PLTP: variants seen among roughly 807,000 people sequenced by gnomAD.
PLTP encodes the protein phospholipid transfer protein.
In PLTP, 43 loss-of-function variants were observed where a neutral mutation model predicts 54.1. The ratio of observed to expected loss-of-function variants is 0.79; its 90% CI spans 0.62 to 1.02. The LOEUF (loss-of-function observed/expected upper bound fraction) is 1.02. PLTP is among the 50% of genes least tolerant of loss of function. The pLI is 0.00. For missense variants in PLTP, 604 were observed against 645.9 expected (o/e 0.94, Z 0.70); for synonymous variants, 263 against 264.6 (o/e 0.99, Z 0.06).
chr20:45,899,812 G>GCCCCCCCCCCCCCCCCCC, intron 13 of PLTP, 24 bp downstream of exon 13: 1 of 309,344 alleles, frequency 3.2e-6, no homozygotes, highest in Non-Finnish European at 6.2e-6. Flanking sequence ...ACCCAGCCCA[G>GCCCCCCCCCCCCCCCCCC]CCCACCCACC....
In PLTP at chr20:45,899,133, CAG is replaced by C. The variant is rs536524774; in HGVS notation, c.1360-72_1360-71del. ...AGGCCAGAGTTTAGAGATCAAGAGACAGAGTGTTTGTCTTTCAGGAACTCAAT... is the reference window on the plus strand; with the variant it reads ...AGGCCAGAGTTTAGAGATCAAGAGACAGTGTTTGTCTTTCAGGAACTCAAT... On this transcript the variant is annotated intron_variant, in intron 15 of 15. Transcript: ENST00000372431. 153 of 1,599,760 alleles carry C rather than the reference CAG, an allele frequency of 9.6e-5. 2 individuals carry two copies. In the South Asian group the frequency reaches 1.6e-3, roughly 17 times the overall value.
intron 10 of PLTP, 95 bp from the exon 11 acceptor site, chr20:45,902,699 C>T: frequency 1.6e-6 from 2 of 1,283,756 alleles, no homozygotes; most frequent in Admixed American, 2.5e-5. Flanking sequence ...AGCTTCTGTC[C>T]TCTGGGGACT....
intron 13 of PLTP, 24 bp downstream of exon 13, chr20:45,899,812 G>GGGGCCCCCCCCCCCCCCCCC: frequency 3.2e-6 from 1 of 309,342 alleles, no homozygotes; most frequent in Non-Finnish European, 6.2e-6. Flanking sequence ...ACCCAGCCCA[G>GGGGCCCCCCCCCCCCCCCCC]CCCACCCACC....
chr20:45,905,146 C>T (rs755726229), intron 8 of PLTP, 28 bp from the exon 9 acceptor site: 4 of 1,607,462 alleles, frequency 2.5e-6, no homozygotes, highest in African/African-American at 2.7e-5. Flanking sequence ...CAGTCAGGGT[C>T]AAGGCAGACT....
At position 45,899,062 on chromosome 20, in the gene PLTP, C is replaced by T. The variant is rs776207299; in HGVS notation, c.1361G>A (p.Gly454Glu). 2 of 1,614,164 alleles carry T rather than the reference C, an allele frequency of 1.2e-6. No homozygotes were observed. Among genetic ancestry groups the T allele is most frequent in the Non-Finnish European group, 1.7e-6 (2 of 1,180,026 alleles). ...GAGATCAGCCCCGATGGTGAGGAAT[C>T]CCTGTGTTGGGGAGAGGGGAGCCTC... ...FVHEVVTNHA[G>E]FLTIGADLHF... Residue 454 changes from glycine to glutamate, a missense_variant and splice_region_variant, in exon 16 of 16, where the codon GGA becomes GAA. Coordinates refer to ENST00000372431, the MANE Select transcript of PLTP (RefSeq NM_006227.4).
chr20:45,905,958 C>G (rs562473444), intron 8 of PLTP, among the ~76,000 whole-genome samples: 2 of 152,066 alleles, frequency 1.3e-5, no homozygotes, highest in South Asian at 4.1e-4. Flanking sequence ...CCAGCTCCTT[C>G]GGGGGAGTTG....
chr20:45,901,384 G>A (rs966409239), intron 12 of PLTP, among the ~76,000 whole-genome samples: 5 of 152,094 alleles, frequency 3.3e-5, no homozygotes, highest in Non-Finnish European at 5.9e-5. Context: ...GATCACTTGA[G>A]CCCGAGAATT....
chr20:45,899,807 G>GGGCCCGCGC, intron 13 of PLTP, 29 bp downstream of exon 13: 2 of 1,369,464 alleles, frequency 1.5e-6, no homozygotes, highest in Non-Finnish European at 2.0e-6. Flanking sequence ...CACGAACCCA[G>GGGCCCGCGC]CCCAGCCCAC....
chr20:45,906,854 G>A lies in PLTP; in HGVS notation c.614-495C>T, dbSNP rs570315826. Among the ~76,000 whole-genome samples, 251 of 99,708 alleles carry A rather than the reference G, an allele frequency of 2.5e-3. 19 individuals are homozygous for A. The highest frequency in any genetic ancestry group is 8.5e-3 in the Middle Eastern group (1 of 118). The allele number at this position is 99,708 out of a possible 152,430, so 65.4% of individuals were successfully genotyped here. A position where few individuals can be genotyped will look rare whatever the true frequency, so the allele number is the denominator to read the frequency against. ...TGCAGGGAGCCAGGATTGCACCACTGCACTCCAGCCTGGGTGACAGAGCGA... is the reference window on the plus strand; with the variant it reads ...TGCAGGGAGCCAGGATTGCACCACTACACTCCAGCCTGGGTGACAGAGCGA... On this transcript the variant is annotated intron_variant, in intron 7 of 15. Transcript: ENST00000372431.
chr20:45,908,025 C>T, intron 5 of PLTP, 121 bp from the exon 6 acceptor site: 1 of 874,410 alleles, frequency 1.1e-6, no homozygotes, highest in Non-Finnish European at 1.8e-6. Context: ...GCCTGAATAA[C>T]AGCTCCTCCA....
intron 10 of PLTP, 100 bp downstream of exon 10, chr20:45,904,700 G>C: frequency 1.9e-6 from 2 of 1,079,192 alleles, no homozygotes; most frequent in South Asian, 2.5e-5. Flanking sequence ...CAAGAGGCCA[G>C]GGCCCTGTCT....
In PLTP at chr20:45,904,786, C is replaced by T. The variant is rs1490398927; in HGVS notation, c.942+14G>A. 2.5e-6 allele frequency: 4 copies of T among 1,614,046 alleles called. No homozygotes were observed. The highest frequency in any genetic ancestry group is 3.4e-6 in the Non-Finnish European group (4 of 1,179,912). ...TGTGCAGGTGGCCCTATCCCTGCCC[C>T]CGCCAGCACTCACCAGCAGGACAAT... On this transcript the variant is annotated intron_variant, in intron 10 of 15. Coordinates refer to ENST00000372431, the MANE Select transcript of PLTP (RefSeq NM_006227.4).
intron 10 of PLTP, 40 bp downstream of exon 10, chr20:45,904,760 G>A (rs1370936051): frequency 1.2e-6 from 2 of 1,602,868 alleles, no homozygotes; most frequent in South Asian, 2.2e-5. Context: ...GGTCTCACTG[G>A]TGTGCAGGTG....
chr20:45,899,807 G>GGGCCCCGGGGCC, intron 13 of PLTP, 29 bp downstream of exon 13: 2 of 1,369,468 alleles, frequency 1.5e-6, no homozygotes, highest in African/African-American at 1.5e-5. Context: ...CACGAACCCA[G>GGGCCCCGGGGCC]CCCAGCCCAC....
At chr20:45,899,902 T>C in intron 12 of PLTP, 24 bp from the exon 13 acceptor site, 1 of 1,512,506 alleles carries the variant, frequency 6.6e-7, no homozygotes, top group Non-Finnish European at 8.9e-7. Context: ...AGGAGCCCTG[T>C]GGGCAGGAAG....
At chr20:45,910,608 C>A (rs1361544102) in intron 3 of PLTP, among the ~76,000 whole-genome samples, 1 of 150,482 alleles carries the variant, frequency 6.6e-6, no homozygotes, top group Non-Finnish European at 1.5e-5. Flanking sequence ...GAACAAGACT[C>A]CCTCTCAGAA....
rs372332604 is a variant in PLTP at position 45,905,040 on chromosome 20, G to C, written c.784C>G (p.Arg262Gly). Residue 262 changes from arginine (R) to glycine (G), a missense_variant, in exon 9 of 16, where the codon CGG (arginine) becomes GGG (glycine). By Grantham distance (125) the Arg-to-Gly change is moderately radical (BLOSUM62 -2). Transcript: ENST00000372431. ...AVEPQLQEEE[R>G]MVYVAFSEFF... ...TCAGAGAAGGCCACATACACCATCC[G>C]CTCTTCCTCCTGCAGCTGGGGCTCC... is the stretch of plus-strand genomic sequence containing the variant. The C allele has an allele frequency of 6.2e-7, 1 of 1,614,082 alleles. No homozygotes were observed. Among genetic ancestry groups the C allele is most frequent in the African/African-American group, 1.3e-5 (1 of 74,942 alleles).
At position 45,903,578 on chromosome 20, in the gene PLTP, G is replaced by A. The variant is rs12481109; in HGVS notation, c.943-974C>T. On this transcript the variant is annotated intron_variant, in intron 10 of 15. Coordinates refer to ENST00000372431, the MANE Select transcript of PLTP (RefSeq NM_006227.4). ...ATGCCTTCTTCTATAGGCAGTGAAG[G>A]AATACTATAAGATGCAACTGCCTAA... 4.7e-3 allele frequency among the ~76,000 whole-genome samples: 721 copies of A among 152,198 alleles called. 8 individuals carry two copies. The highest frequency in any genetic ancestry group is 0.01 in the Admixed American group (160 of 15,290).
intron 10 of PLTP, among the ~76,000 whole-genome samples, chr20:45,902,823 C>G (rs1165402266): frequency 6.6e-6 from 1 of 152,250 alleles, no homozygotes; most frequent in Admixed American, 6.5e-5. Flanking sequence ...TTTCTGCTTC[C>G]TAAATACATC....
Sources: allele counts gnomAD v4.1 joint callset (sites outside exome capture counted in the v4.1 genomes callset), GRCh38; gene constraint gnomAD v4.1.1; transcripts MANE v1.5; gene names NCBI Gene and HGNC (gene_info 2026-07-23, HGNC 2026-07-21).